The following NFRKB variants were observed in gnomAD, a reference collection of about 807,000 sequenced individuals.
NFRKB encodes the protein nuclear factor related to kappa-B-binding protein.
NFRKB carries 62 observed loss-of-function variants against 135.7 expected under a neutral mutation model. The observed-to-expected ratio is 0.46, with a 90% CI of 0.37 to 0.56. The LOEUF is 0.56. NFRKB is among the 20% of genes least tolerant of loss of function. The probability of loss-of-function intolerance (pLI) is 0.00; values close to 1 mark genes in which losing one functional copy is unlikely to be tolerated. For synonymous variants in NFRKB, 678 were observed against 635.6 expected (o/e 1.07, Z -1.00); for missense variants, 1,545 against 1,662.0 (o/e 0.93, Z 1.22).
chr11:129,881,624 T>A, intron 12 of NFRKB, 103 bp downstream of exon 12: 1 of 1,586,786 alleles, frequency 6.3e-7, no homozygotes, highest in Non-Finnish European at 8.6e-7. Context: ...CATAGCATTA[T>A]GCAAAGGCAT....
chr11:129,875,520 C>G, intron 17 of NFRKB, 57 bp from the exon 18 acceptor site: 5 of 1,384,570 alleles, frequency 3.6e-6, no homozygotes, highest in Non-Finnish European at 4.0e-6. Flanking sequence ...TACGGAGGTA[C>G]AATCTCCTGT....
chr11:129,886,272 C>T (rs1949273414), intron 5 of NFRKB, 45 bp downstream of exon 5: 1 of 1,583,488 alleles, frequency 6.3e-7, no homozygotes, highest in South Asian at 1.1e-5. Context: ...AGTCATGATA[C>T]CTGTGACTGC....
chr11:129,890,305 C>T (rs1265228066), intron 3 of NFRKB, among the ~76,000 whole-genome samples: 1 of 152,074 alleles, frequency 6.6e-6, no homozygotes, highest in Non-Finnish European at 1.5e-5. Flanking sequence ...CTATTTTTGC[C>T]TACATTTTAT....
In NFRKB at chr11:129,873,873, C is replaced by T. The variant is rs1260013120; in HGVS notation, c.2422G>A (p.Val808Met). 5.0e-6 allele frequency: 8 copies of T among 1,614,110 alleles called. No homozygotes were observed. Among genetic ancestry groups the T allele is most frequent in the African/African-American group, 1.3e-5 (1 of 75,052 alleles). ...GSAGLSQVRV[V>M]AQPSLPAVPQ... ...ACAGCAGGAAGGCTAGGCTGGGCCA[C>T]CACTCGCACCTGAGACAGTCCAGCA... The change falls in exon 22 of 27, where the codon GTG (valine) becomes ATG (methionine). Residue 808 changes from valine to methionine, a missense_variant. By Grantham distance (21) the Val-to-Met change is conservative. Around this residue, in one of 3 missense-constraint regions of NFRKB, gnomAD observed 753 missense variants for 804.3 expected, o/e 0.94. Transcript: ENST00000682444.
intron 3 of NFRKB, among the ~76,000 whole-genome samples, chr11:129,890,813 T>C (rs1490465379): frequency 6.6e-6 from 1 of 152,202 alleles, no homozygotes. Context: ...CGTACCATTA[T>C]TGAGTAGAGG....
intron 24 of NFRKB, among the ~76,000 whole-genome samples, chr11:129,867,637 C>T (rs534633942): frequency 6.6e-6 from 1 of 152,240 alleles, no homozygotes; most frequent in African/African-American, 2.4e-5. Flanking sequence ...TTTTTAACCA[C>T]ACTATGTTAA....
chr11:129,869,407 T>G, intron 24 of NFRKB, 87 bp downstream of exon 24: 1 of 1,450,016 alleles, frequency 6.9e-7, no homozygotes, highest in Non-Finnish European at 9.1e-7. Context: ...TTTCCTAGTT[T>G]TTAGGGAGTT....
chr11:129,872,229 G>C (rs773515938), intron 23 of NFRKB, among the ~76,000 whole-genome samples: 1 of 152,046 alleles, frequency 6.6e-6, no homozygotes, highest in African/African-American at 2.4e-5. Context: ...ATGAGAATAC[G>C]AGTTCCGCGA....
At chr11:129,870,748 A>G (rs947925716) in intron 23 of NFRKB, among the ~76,000 whole-genome samples, 1 of 152,068 alleles carries the variant, frequency 6.6e-6, no homozygotes, top group African/African-American at 2.4e-5. Context: ...CCTAAGGCCA[A>G]TTCCCTCATG....
intron 3 of NFRKB, among the ~76,000 whole-genome samples, chr11:129,889,202 T>C (rs367549806): frequency 6.6e-6 from 1 of 152,152 alleles, no homozygotes; most frequent in East Asian, 1.9e-4. Flanking sequence ...CCTGAGGTGA[T>C]CTGCCTGCTT....
In NFRKB at chr11:129,870,026, T is replaced by C; in HGVS notation, c.2999A>G (p.Asn1000Ser). The C allele has an allele frequency of 1.2e-6, 2 of 1,614,212 alleles. No individual in the cohort carries two copies. The highest frequency in any genetic ancestry group is 1.7e-6 in the Non-Finnish European group (2 of 1,180,030). Residue 1000 changes from asparagine to serine, a missense_variant, in exon 24 of 27, where the codon AAC becomes AGC. Asn to Ser is a conservative substitution (Grantham distance 46, BLOSUM62 1). Transcript: ENST00000682444. ...GGCAGAGATGCCTTTGCCTGTAGTG[T>C]TGCCTCCTGTCCCGAAGAGGTCCTG... The part of the protein sequence containing the change: ...LTQDLFGTGG[N>S]TTGKGISATL...
Position 129,864,693 on chromosome 11 carries a change from T to C in NFRKB, c.*32A>G, listed in dbSNP as rs1446638783. The C allele has an allele frequency of 1.2e-6, 2 of 1,613,562 alleles. No individual in the cohort carries two copies. The highest frequency in any genetic ancestry group is 1.1e-5 in the South Asian group (1 of 91,048). ...CTTCTCAGCCAGGACAGACCAGGCATGGTCTTTCACGGAAGCCATCCTCTC... is the reference window on the plus strand; with the variant it reads ...CTTCTCAGCCAGGACAGACCAGGCACGGTCTTTCACGGAAGCCATCCTCTC... On this transcript the variant is annotated 3_prime_UTR_variant, in exon 27 of 27. Transcript: ENST00000682444.
At chr11:129,883,234 T>C (rs748425862) in intron 8 of NFRKB, 28 bp from the exon 9 acceptor site, 37 of 1,602,600 alleles carry the variant, frequency 2.3e-5, no homozygotes, top group Middle Eastern at 1.7e-4. Flanking sequence ...AATTTGGTCA[T>C]GGAGGCCCAA....
chr11:129,880,024 T>C (rs1033020437), intron 13 of NFRKB, among the ~76,000 whole-genome samples: 1 of 151,960 alleles, frequency 6.6e-6, no homozygotes, highest in Non-Finnish European at 1.5e-5. Flanking sequence ...TTGTCTCTAC[T>C]AAAGATACAA....
In NFRKB at chr11:129,893,171, CA is replaced by C. The variant is rs1370829289; in HGVS notation, c.-21-302del. ...AATGAGACTGAGAATAAATGATAAACAGATCACAATCTATAATTTACACTTC... is the reference window on the plus strand; with the variant it reads ...AATGAGACTGAGAATAAATGATAAACGATCACAATCTATAATTTACACTTC... On this transcript the variant is annotated intron_variant, in intron 2 of 26. Transcript: ENST00000682444. 3.5e-5 allele frequency: 31 copies of C among 893,026 alleles called. No individual in the cohort carries two copies. The East Asian group carries it at 1.4e-3, about 41-fold the overall frequency. The allele number at this position is 893,026 out of a possible 1,614,324, so 55.3% of individuals were successfully genotyped here.
chr11:129,893,110 A>G (rs1949630780), intron 2 of NFRKB: 1 of 1,375,048 alleles, frequency 7.3e-7, no homozygotes, highest in East Asian at 2.8e-5. Flanking sequence ...TCCTAAATTC[A>G]TAAATTTCAT....
At chr11:129,880,526 G>A (rs1352054202) in intron 13 of NFRKB, among the ~76,000 whole-genome samples, 1 of 152,090 alleles carries the variant, frequency 6.6e-6, no homozygotes, top group East Asian at 1.9e-4. Flanking sequence ...CCTCCCCTCT[G>A]CCTGTCTGGC....
intron 23 of NFRKB, among the ~76,000 whole-genome samples, chr11:129,871,390 AG>A (rs1948497513): frequency 6.6e-6 from 1 of 152,108 alleles, no homozygotes; most frequent in African/African-American, 2.4e-5. Flanking sequence ...CCACTGGCCC[AG>A]TGAAGCCCAC....
Position 129,878,468 on chromosome 11 carries a change from C to A in NFRKB, c.1460G>T (p.Cys487Phe). The change falls in exon 14 of 27, where the codon TGT becomes TTT. Residue 487 changes from cysteine to phenylalanine, a missense_variant. Physicochemically the swap from Cys to Phe is radical, Grantham distance 205. This residue lies in a region of NFRKB where 678 missense variants were observed against 646.7 expected (regional missense o/e 1.05). Transcript: ENST00000682444. The part of the protein sequence containing the change: ...LWLETKDQAF[C>F]KQENEDSSDA... ...GTATTTCTTAAAAAAACATACCTTA[C>A]AGAAGGCCTGATCTTTGGTCTCTAG... 1 of 1,614,094 alleles carries A rather than the reference C, an allele frequency of 6.2e-7. No homozygotes were observed. Among genetic ancestry groups the A allele is most frequent in the Non-Finnish European group, 8.5e-7 (1 of 1,179,946 alleles).
Sources: gnomAD v4.1 joint callset for allele counts (sites outside exome capture counted in the v4.1 genomes callset) on GRCh38, gnomAD v4.1.1 for gene constraint, gnomAD v4.1.1 regional missense constraint, MANE v1.5 for transcripts, NCBI Gene and HGNC (gene_info 2026-07-23, HGNC 2026-07-21) for gene names.